SGCD: variants seen among roughly 807,000 people sequenced by gnomAD.
The protein encoded by SGCD is sarcoglycan delta, also known as delta-sarcoglycan.
In SGCD, 18 loss-of-function variants were observed where a neutral mutation model predicts 36.6. The ratio of observed to expected loss-of-function variants is 0.49; its 90% CI spans 0.34 to 0.73. The LOEUF (loss-of-function observed/expected upper bound fraction) is 0.73. SGCD is among the 30% of genes least tolerant of loss of function. The pLI is 0.01. For synonymous variants in SGCD, 133 were observed against 130.6 expected, an observed-to-expected ratio of 1.02 and a Z score of -0.12; for missense variants, 387 against 346.7, an observed-to-expected ratio of 1.12 and a Z score of -0.92.
chr5:155,744,833 G>A, the SGCD span, among the ~76,000 whole-genome samples: 1 of 152,184 alleles, frequency 6.6e-6, no homozygotes, highest in South Asian at 2.1e-4. Context: ...CATTTGATGA[G>A]ATAATGGCTA....
intron 1 of SGCD, among the ~76,000 whole-genome samples, chr5:156,047,412 C>T (rs760410076): frequency 6.6e-5 from 10 of 152,140 alleles, no homozygotes; most frequent in Non-Finnish European, 1.3e-4. Flanking sequence ...CAATGCCTGG[C>T]CTCATTGCTT....
At chr5:156,573,040 G>A (rs1485203092) in intron 4 of SGCD, among the ~76,000 whole-genome samples, 2 of 151,856 alleles carry the variant, frequency 1.3e-5, no homozygotes, top group East Asian at 4.0e-4. Flanking sequence ...TAATGGTCAT[G>A]TTTTTATGAA....
chr5:156,355,087 C>T (rs1171016907), intron 3 of SGCD, among the ~76,000 whole-genome samples: 2 of 152,216 alleles, frequency 1.3e-5, no homozygotes, highest in East Asian at 3.8e-4. Context: ...TAGTAGCTGC[C>T]ATCTTAGAGC....
intron 1 of SGCD, among the ~76,000 whole-genome samples, chr5:155,983,601 A>G (rs1758273171): frequency 6.6e-6 from 1 of 152,158 alleles, no homozygotes; most frequent in South Asian, 2.1e-4. Flanking sequence ...CACCCAGCCT[A>G]TGATACTCTC....
chr5:156,741,258 C>A (rs1050480898), intron 7 of SGCD, among the ~76,000 whole-genome samples: 7 of 152,306 alleles, frequency 4.6e-5, no homozygotes, highest in African/African-American at 1.7e-4. Flanking sequence ...GATAAGTAAT[C>A]ACTGTTTCAA....
intron 3 of SGCD, among the ~76,000 whole-genome samples, chr5:156,461,611 T>C (rs1754492267): frequency 6.6e-6 from 1 of 152,116 alleles, no homozygotes; most frequent in Non-Finnish European, 1.5e-5. Context: ...TTTCACTCTT[T>C]TTTTCTCGGG....
intron 3 of SGCD, among the ~76,000 whole-genome samples, chr5:156,449,385 C>G (rs1459380941): frequency 1.3e-5 from 2 of 152,054 alleles, no homozygotes; most frequent in Non-Finnish European, 2.9e-5. Flanking sequence ...ACCACTGAAT[C>G]TCTAGTAACT....
intron 7 of SGCD, among the ~76,000 whole-genome samples, chr5:156,672,914 T>G (rs933635537): frequency 3.9e-5 from 6 of 152,202 alleles, no homozygotes; most frequent in Non-Finnish European, 8.8e-5. Context: ...TAGATAATTC[T>G]ATTTATTTTT....
the SGCD span, among the ~76,000 whole-genome samples, chr5:155,802,307 C>G: frequency 4.2e-4 from 64 of 152,206 alleles, no homozygotes; most frequent in Non-Finnish European, 1.5e-4. Context: ...GAGAGACATT[C>G]CTTGGTTCCT....
intron 3 of SGCD, among the ~76,000 whole-genome samples, chr5:156,404,099 T>C (rs1257221720): frequency 3.3e-5 from 5 of 152,044 alleles, no homozygotes; most frequent in Non-Finnish European, 5.9e-5. Context: ...CCTCCCAGAG[T>C]GCTAGAATTA....
chr5:156,571,092 C>G (rs1759701276), intron 4 of SGCD, among the ~76,000 whole-genome samples: 1 of 152,058 alleles, frequency 6.6e-6, no homozygotes, highest in African/African-American at 2.4e-5. Context: ...TGTCGCCCAG[C>G]CTGGAGTGCA....
chr5:156,245,562 T>C (rs1451912633), intron 3 of SGCD, among the ~76,000 whole-genome samples: 2 of 152,162 alleles, frequency 1.3e-5, no homozygotes, highest in African/African-American at 4.8e-5. Flanking sequence ...CCAAGTATTA[T>C]ATATTCCTTA....
chr5:156,307,890 G>A lies in SGCD; in HGVS notation c.-43-21644G>A, dbSNP rs143317652. On this transcript the variant is annotated intron_variant, in intron 3 of 9. Coordinates refer to the SGCD transcript ENST00000517913. ...ACATAAACTGATAATCTTTTAATGC[G>A]TTAGTCTATTAAACTATATAAAAAT... 9.0e-4 allele frequency among the ~76,000 whole-genome samples: 136 copies of A among 151,232 alleles called. No homozygotes were observed. In the Middle Eastern group the frequency reaches 0.01, roughly 11 times the overall value.
At chr5:156,490,341 T>C (rs977601139) in intron 3 of SGCD, among the ~76,000 whole-genome samples, 12 of 152,000 alleles carry the variant, frequency 7.9e-5, no homozygotes, top group African/African-American at 2.9e-4. Flanking sequence ...AGGAATCCTT[T>C]CTAACTCATT....
chr5:155,953,946 C>T (rs1757593946), intron 1 of SGCD, among the ~76,000 whole-genome samples: 1 of 152,184 alleles, frequency 6.6e-6, no homozygotes, highest in Admixed American at 6.5e-5. Context: ...ACAGAGTGTG[C>T]TCAGAGCTTT....
At chr5:155,922,793 C>T (rs1268341975) in intron 1 of SGCD, among the ~76,000 whole-genome samples, 1 of 152,030 alleles carries the variant, frequency 6.6e-6, no homozygotes. Flanking sequence ...ATTTTTAGCC[C>T]CCAAAGAAAA....
chr5:156,707,133 C>T (rs1232554235), intron 7 of SGCD, among the ~76,000 whole-genome samples: 1 of 152,114 alleles, frequency 6.6e-6, no homozygotes, highest in Non-Finnish European at 1.5e-5. Flanking sequence ...AACTCACAAA[C>T]TTTGGGCTCT....
At chr5:155,887,764 C>G (rs1417823567) in intron 1 of SGCD, among the ~76,000 whole-genome samples, 1 of 152,176 alleles carries the variant, frequency 6.6e-6, no homozygotes, top group African/African-American at 2.4e-5. Flanking sequence ...GACTTCTAAG[C>G]TAGAGAGTTA....
rs1561574955 is a variant in SGCD at position 156,229,281 on chromosome 5, T to TATACATACATATATATATACATACAC, written c.-43-100250_-43-100249insCATACATATATATATACATACACATA. Among the ~76,000 whole-genome samples the TATACATACATATATATATACATACAC allele has an allele frequency of 6.0e-4, 59 of 98,058 alleles. 2 individuals are homozygous for TATACATACATATATATATACATACAC. The highest frequency in any genetic ancestry group is 8.6e-4 in the Non-Finnish European group (46 of 53,682). The allele number at this position is 98,058 out of a possible 152,430, so 64.3% of individuals were successfully genotyped here. ...ACATACATATATATATACATACATA[T>TATACATACATATATATATACATACAC]ATATATATATATATATATAAAATTA... On this transcript the variant is annotated intron_variant, in intron 3 of 9. Coordinates refer to the SGCD transcript ENST00000517913.
Sources: gnomAD v4.1 joint callset for allele counts (sites outside exome capture counted in the v4.1 genomes callset) on GRCh38, gnomAD v4.1.1 for gene constraint, MANE v1.5 for transcripts, NCBI Gene and HGNC (gene_info 2026-07-23, HGNC 2026-07-21) for gene names.